TAF1B: variants seen among roughly 807,000 people sequenced by gnomAD.
TAF1B encodes TATA-box binding protein associated factor, RNA polymerase I subunit B.
TAF1B carries 61 observed loss-of-function variants against 83.9 expected under a neutral mutation model. The observed-to-expected ratio is 0.73, with a 90% CI of 0.59 to 0.90. The LOEUF (loss-of-function observed/expected upper bound fraction) is 0.90. Ranked by LOEUF, TAF1B falls within the 40% of genes least tolerant of loss-of-function variation. The pLI is 0.00. For missense variants in TAF1B, 625 were observed against 677.0 expected (o/e 0.92, Z 0.85); for synonymous variants, 221 against 224.6 (o/e 0.98, Z 0.14).
At chr2:9,900,787 G>A (rs1302574030) in intron 8 of TAF1B, among the ~76,000 whole-genome samples, 1 of 152,098 alleles carries the variant, frequency 6.6e-6, no homozygotes, top group African/African-American at 2.4e-5. Context: ...TTGCGACAGG[G>A]TAAGGAACAC....
At chr2:9,884,679 G>A in intron 8 of TAF1B, among the ~76,000 whole-genome samples, 1 of 152,126 alleles carries the variant, frequency 6.6e-6, no homozygotes, top group East Asian at 1.9e-4. Flanking sequence ...CCCTGGAGTA[G>A]GTTATTCCTC....
intron 6 of TAF1B, among the ~76,000 whole-genome samples, chr2:9,874,542 G>A (rs1037052646): frequency 6.6e-6 from 1 of 152,032 alleles, no homozygotes; most frequent in African/African-American, 2.4e-5. Context: ...TAGTAGCTGG[G>A]ATTACAGGTG....
At chr2:9,859,377 A>T (rs1572220268) in intron 5 of TAF1B, among the ~76,000 whole-genome samples, 1 of 144,254 alleles carries the variant, frequency 6.9e-6, no homozygotes, top group South Asian at 2.2e-4. Context: ...TGTCCATATC[A>T]CTATCAGCAT....
At chr2:9,888,111 T>A (rs1478390015) in intron 8 of TAF1B, among the ~76,000 whole-genome samples, 1 of 152,234 alleles carries the variant, frequency 6.6e-6, no homozygotes, top group Non-Finnish European at 1.5e-5. Flanking sequence ...TCTCCACTGT[T>A]GATTTATTAA....
At chr2:9,876,407 G>C (rs961237201) in intron 7 of TAF1B, among the ~76,000 whole-genome samples, 1 of 152,112 alleles carries the variant, frequency 6.6e-6, no homozygotes, top group African/African-American at 2.4e-5. Flanking sequence ...AGCATATATT[G>C]GTGTTAAGAG....
At chr2:9,917,058 C>T (rs2125177132) in intron 12 of TAF1B, among the ~76,000 whole-genome samples, 1 of 152,132 alleles carries the variant, frequency 6.6e-6, no homozygotes. Context: ...GTTGGTCAGG[C>T]TGGTCTCAAA....
At chr2:9,845,563 G>A (rs910351052) in intron 2 of TAF1B, 20 of 373,680 alleles carry the variant, frequency 5.4e-5, no homozygotes, top group Admixed American at 4.4e-4. Context: ...CAGAGTATGT[G>A]GTTGAGGGAA....
At chr2:9,904,711 G>A in intron 8 of TAF1B, 148 bp from the exon 9 acceptor site, 1 of 724,248 alleles carries the variant, frequency 1.4e-6, no homozygotes, top group East Asian at 2.8e-5. Context: ...CCTGCCAGCA[G>A]TGCATAAGTG....
At chr2:9,909,107 AC>A (rs1232057467) in intron 9 of TAF1B, among the ~76,000 whole-genome samples, 2 of 152,166 alleles carry the variant, frequency 1.3e-5, no homozygotes, top group African/African-American at 2.4e-5. Flanking sequence ...AATCAGCAAA[AC>A]TTTTTTACTT....
intron 8 of TAF1B, among the ~76,000 whole-genome samples, chr2:9,899,217 A>G (rs1392583149): frequency 6.6e-6 from 1 of 152,130 alleles, no homozygotes. Context: ...GTCTCTAGGA[A>G]TTTGACTTCT....
chr2:9,912,718 T>C (rs1420653771), intron 11 of TAF1B, among the ~76,000 whole-genome samples: 5 of 152,192 alleles, frequency 3.3e-5, no homozygotes, highest in Admixed American at 6.5e-5. Context: ...CCCAGCATTA[T>C]TGATGGGGAG....
At chr2:9,885,680 A>G (rs781479712) in intron 8 of TAF1B, among the ~76,000 whole-genome samples, 1 of 152,094 alleles carries the variant, frequency 6.6e-6, no homozygotes, top group Admixed American at 6.5e-5. Context: ...TGCATTAGCT[A>G]TCAGCTTTGT....
intron 9 of TAF1B, 107 bp downstream of exon 9, chr2:9,905,113 C>A (rs1665302892): frequency 4.3e-6 from 4 of 939,828 alleles, no homozygotes; most frequent in Non-Finnish European, 6.2e-6. Flanking sequence ...CTGAAAAGGT[C>A]CATGGTTACA....
intron 8 of TAF1B, among the ~76,000 whole-genome samples, chr2:9,888,094 C>T (rs968142249): frequency 1.3e-5 from 2 of 152,094 alleles, no homozygotes; most frequent in African/African-American, 4.8e-5. Context: ...TTAATAATTT[C>T]ATTTTATCTC....
At chr2:9,883,923 C>T (rs1383549120) in intron 8 of TAF1B, among the ~76,000 whole-genome samples, 2 of 152,160 alleles carry the variant, frequency 1.3e-5, no homozygotes, top group Non-Finnish European at 2.9e-5. Context: ...GGCTGGAAAA[C>T]CTTTGTGGCC....
At chr2:9,865,700 A>G (rs1228992758) in intron 5 of TAF1B, among the ~76,000 whole-genome samples, 1 of 151,994 alleles carries the variant, frequency 6.6e-6, no homozygotes, top group African/African-American at 2.4e-5. Context: ...ACAAGGCTAC[A>G]GTAACCAAAA....
chr2:9,921,320 G>C (rs1298316947), intron 14 of TAF1B, among the ~76,000 whole-genome samples: 1 of 152,132 alleles, frequency 6.6e-6, no homozygotes, highest in Non-Finnish European at 1.5e-5. Context: ...TCAAATGCCT[G>C]AGCTCAAGCA....
chr2:9,867,292 C>T (rs534665242), intron 5 of TAF1B, among the ~76,000 whole-genome samples: 14 of 152,206 alleles, frequency 9.2e-5, no homozygotes, highest in African/African-American at 2.9e-4. Flanking sequence ...CCAGAAGAAT[C>T]AGGCAGAGGC....
rs779971167 is a variant in TAF1B at position 9,919,069 on chromosome 2, T to C, written c.1300T>C (p.Tyr434His). Residue 434 changes from tyrosine to histidine, a missense_variant, in exon 13 of 15, where the codon TAC becomes CAC. Physicochemically the swap from Tyr to His is moderately conservative, Grantham distance 83. Coordinates refer to ENST00000263663, the MANE Select transcript of TAF1B (RefSeq NM_005680.3). ...CCTGTGGAAAAGTGAAAAGCCACTC[T>C]ACTACTCATTTGTCGACAAACCAGT... ...KYLWKSEKPLYYSFVDKPVAY... is the reference protein window; with the variant it reads ...KYLWKSEKPLHYSFVDKPVAY... 1 of 1,614,192 alleles carries C rather than the reference T, an allele frequency of 6.2e-7. No individual in the cohort carries two copies. The highest frequency in any genetic ancestry group is 1.7e-5 in the Admixed American group (1 of 60,016).
Sources: allele counts gnomAD v4.1 joint callset (sites outside exome capture counted in the v4.1 genomes callset), GRCh38; gene constraint gnomAD v4.1.1; transcripts MANE v1.5; gene names NCBI Gene and HGNC (gene_info 2026-07-23, HGNC 2026-07-21).